The following DOC2B variants were observed in gnomAD, a reference collection of about 807,000 sequenced individuals.
DOC2B encodes double C2-like domain-containing protein beta.
In DOC2B, 21 loss-of-function variants were observed where a neutral mutation model predicts 28.9. The observed-to-expected ratio is 0.73, with a 90% CI of 0.52 to 1.05. The LOEUF (loss-of-function observed/expected upper bound fraction) is 1.05, where lower values mean the gene tolerates loss of function less well. Among genes scored for constraint, DOC2B ranks in the 50% least tolerant of loss-of-function variants. DOC2B has a pLI of 0.00. For synonymous variants in DOC2B, 194 were observed against 178.1 expected, an observed-to-expected ratio of 1.09 and a Z score of -0.71; for missense variants, 384 against 421.1, an observed-to-expected ratio of 0.91 and a Z score of 0.77.
intron 5 of DOC2B, among the ~76,000 whole-genome samples, 195 bp downstream of exon 5, chr17:161,220 C>A (rs994257895): frequency 5.3e-5 from 8 of 152,254 alleles, no homozygotes; most frequent in Middle Eastern, 6.8e-3. Context: ...AGCTTAGCAC[C>A]CTCCCGTGGC....
In DOC2B at chr17:146,078, C is replaced by G. The variant is rs979311000; in HGVS notation, c.*1363G>C. 32 of 152,000 alleles carry G rather than the reference C, an allele frequency of 2.1e-4. No homozygotes were observed. Among genetic ancestry groups the G allele is most frequent in the African/African-American group, 7.5e-4 (31 of 41,220 alleles). The allele number at this position is 152,000 out of a possible 1,614,324, so 9.4% of individuals were successfully genotyped here. On this transcript the variant is annotated 3_prime_UTR_variant, in exon 9 of 9. Transcript: ENST00000613549. ...CTCTCAAGCCTCCTGGGGAGTCTCA[C>G]TCAGGGGAGCAGACAGGCCCACCAG...
At position 160,913 on chromosome 17, in the gene DOC2B, C is replaced by T. The variant is rs187558289; in HGVS notation, c.765+502G>A. ...TAACATGTTCCAAGCGTGCTCCTTG[C>T]GCGTCCTGTCCACCCGTGGTCCCTG... On this transcript the variant is annotated intron_variant, in intron 5 of 8. Coordinates refer to ENST00000613549, the MANE Select transcript of DOC2B (RefSeq NM_003585.5). Among the ~76,000 whole-genome samples the T allele has an allele frequency of 3.3e-3, 497 of 152,252 alleles. 5 individuals carry two copies. Among genetic ancestry groups the T allele is most frequent in the Non-Finnish European group, 3.5e-3 (236 of 68,008 alleles).
intron 1 of DOC2B, among the ~76,000 whole-genome samples, chr17:177,185 G>T (rs1178822136): frequency 6.6e-6 from 1 of 152,132 alleles, no homozygotes; most frequent in Non-Finnish European, 1.5e-5. Context: ...GCACTGCAGG[G>T]GGGACAGAGA....
Position 145,523 on chromosome 17 carries a change from G to C in DOC2B, c.*1918C>G, listed in dbSNP as rs2040012432. On this transcript the variant is annotated 3_prime_UTR_variant, in exon 9 of 9. Transcript: ENST00000613549. Reference sequence around the variant, plus strand: ...CACAAAAACCCTTCCTAAAGGCAGGGAGACAAGTCTCCAGGAGCAGCAGGT... The same window carrying C: ...CACAAAAACCCTTCCTAAAGGCAGGCAGACAAGTCTCCAGGAGCAGCAGGT... The C allele has an allele frequency of 1.3e-5, 2 of 152,766 alleles. No individual in the cohort carries two copies. The highest frequency in any genetic ancestry group is 1.5e-5 in the Non-Finnish European group (1 of 68,406). The allele number at this position is 152,766 out of a possible 1,614,324, so 9.5% of individuals were successfully genotyped here. A position where few individuals can be genotyped will look rare whatever the true frequency, so the allele number is the denominator to read the frequency against.
At chr17:160,573 G>A (rs1319261370) in intron 5 of DOC2B, among the ~76,000 whole-genome samples, 1 of 152,166 alleles carries the variant, frequency 6.6e-6, no homozygotes, top group Non-Finnish European at 1.5e-5. Context: ...TCCTCTTAGG[G>A]GGACAACGTG....
chr17:173,752 G>T (rs1041000189), intron 1 of DOC2B, among the ~76,000 whole-genome samples: 1 of 152,288 alleles, frequency 6.6e-6, no homozygotes, highest in South Asian at 2.1e-4. Flanking sequence ...AGGGGCTGGG[G>T]GAGGTGACGA....
intron 2 of DOC2B, among the ~76,000 whole-genome samples, chr17:169,709 G>A (rs2040289996): frequency 6.6e-6 from 1 of 152,006 alleles, no homozygotes; most frequent in South Asian, 2.1e-4. Flanking sequence ...AAGCAAGGGT[G>A]CACCCCAGGG....
intron 3 of DOC2B, among the ~76,000 whole-genome samples, chr17:163,168 C>G (rs143530494): frequency 1.5e-3 from 224 of 152,308 alleles, no homozygotes; most frequent in African/African-American, 5.0e-3. Flanking sequence ...GGCAGCCATG[C>G]ACTGCCGGCT....
At chr17:159,778 C>T (rs1040672082) in intron 5 of DOC2B, among the ~76,000 whole-genome samples, 12 of 152,230 alleles carry the variant, frequency 7.9e-5, no homozygotes, top group African/African-American at 1.7e-4. Context: ...CGCACAGGGA[C>T]GCACATGCTT....
chr17:162,188 T>C lies in DOC2B; in HGVS notation c.531A>G (p.Ala177=), dbSNP rs547373630. Residue 177 remains alanine (A), a splice_region_variant and synonymous_variant, in exon 4 of 9, where the codon GCA becomes GCG. Coordinates refer to ENST00000613549, the MANE Select transcript of DOC2B (RefSeq NM_003585.5). ...KLHLLPGASK[A]NKLRTKTLRN... ...GGAGAGTTTTTGTTCTGAGCTTATT[T>C]GCCTGGAGAAGAGAAAAATGATCTT... The C allele has an allele frequency of 1.9e-6, 3 of 1,550,444 alleles. No individual in the cohort carries two copies. The African/African-American group carries it at 4.1e-5, about 21-fold the overall frequency.
At chr17:160,276 T>C (rs113926718) in intron 5 of DOC2B, among the ~76,000 whole-genome samples, 29 of 152,264 alleles carry the variant, frequency 1.9e-4, no homozygotes, top group African/African-American at 7.0e-4. Flanking sequence ...ATAGACCATG[T>C]GGAAAAACCG....
At chr17:166,176 C>G (rs2040262641) in intron 2 of DOC2B, among the ~76,000 whole-genome samples, 1 of 152,240 alleles carries the variant, frequency 6.6e-6, no homozygotes, top group African/African-American at 2.4e-5. Flanking sequence ...GGCAGCCACA[C>G]ATTTCGCCAA....
At chr17:159,134 C>A (rs528169449) in intron 5 of DOC2B, among the ~76,000 whole-genome samples, 30 of 151,772 alleles carry the variant, frequency 2.0e-4, no homozygotes, top group African/African-American at 7.0e-4. Flanking sequence ...CATATGAAGA[C>A]CACTGGGTCT....
rs1260075702 is a variant in DOC2B, at chr17:142,807, G to A, written c.*4634C>T. 1 of 152,128 alleles carries A rather than the reference G, an allele frequency of 6.6e-6. No individual in the cohort carries two copies. The highest frequency in any genetic ancestry group is 1.5e-5 in the Non-Finnish European group (1 of 68,018). 9.4% of individuals were successfully genotyped at this position (152,128 alleles called of 1,614,324 possible). On this transcript the variant is annotated 3_prime_UTR_variant, in exon 9 of 9. Coordinates refer to ENST00000613549, the MANE Select transcript of DOC2B (RefSeq NM_003585.5). Reference sequence around the variant, plus strand: ...TCGTTAGTCGATGTTAGAAAGCAAAGGCTTTTATCTCGAGAAATTTCTGAC... The same window carrying A: ...TCGTTAGTCGATGTTAGAAAGCAAAAGCTTTTATCTCGAGAAATTTCTGAC...
intron 1 of DOC2B, among the ~76,000 whole-genome samples, chr17:175,504 CT>C: frequency 6.6e-6 from 1 of 152,370 alleles, no homozygotes; most frequent in Non-Finnish European, 1.5e-5. Context: ...GTAAATGGAT[CT>C]GCTGTTCAGG....
chr17:152,065 T>G (rs1004464020), intron 6 of DOC2B, among the ~76,000 whole-genome samples: 1 of 152,076 alleles, frequency 6.6e-6, no homozygotes, highest in Non-Finnish European at 1.5e-5. Flanking sequence ...GTCAGGACAG[T>G]GGTCCTGGCC....
At chr17:157,071 C>T (rs574893909) in intron 5 of DOC2B, among the ~76,000 whole-genome samples, 11 of 152,328 alleles carry the variant, frequency 7.2e-5, no homozygotes, top group South Asian at 2.1e-4. Flanking sequence ...CCACAGATTG[C>T]GAGGCACACA....
chr17:180,736 C>A (rs1452556773), intron 1 of DOC2B, among the ~76,000 whole-genome samples: 1 of 151,712 alleles, frequency 6.6e-6, no homozygotes, highest in East Asian at 2.0e-4. Context: ...ACTGGTGTCT[C>A]CCCGGGACGC....
rs894891543 is a variant in DOC2B at position 146,896 on chromosome 17, T to A, written c.*545A>T. 1 of 152,530 alleles carries A rather than the reference T, an allele frequency of 6.6e-6. No homozygotes were observed. Among genetic ancestry groups the A allele is most frequent in the African/African-American group, 2.4e-5 (1 of 41,472 alleles). The allele number at this position is 152,530 out of a possible 1,614,324, so 9.4% of individuals were successfully genotyped here. ...ATCATTGAGTGAAGCATGTGCCAAT[T>A]TACCCATCATCAGGAGCCTCCGGGA... On this transcript the variant is annotated 3_prime_UTR_variant, in exon 9 of 9. Transcript: ENST00000613549.
Sources: gnomAD v4.1 joint callset for allele counts (sites outside exome capture counted in the v4.1 genomes callset) on GRCh38, gnomAD v4.1.1 for gene constraint, MANE v1.5 for transcripts, NCBI Gene and HGNC (gene_info 2026-07-23, HGNC 2026-07-21) for gene names.